Variants in SLC30A9 observed in about 807,000 individuals in gnomAD.
The protein encoded by SLC30A9 is proton-coupled zinc antiporter SLC30A9, mitochondrial.
In SLC30A9, 58 loss-of-function variants were observed where a neutral mutation model predicts 87.5. The observed-to-expected ratio is 0.66, with a 90% CI of 0.54 to 0.82. SLC30A9 has a LOEUF of 0.82. Ranked by LOEUF, SLC30A9 falls within the 40% of genes least tolerant of loss-of-function variation. The pLI, the probability that SLC30A9 is intolerant of heterozygous loss-of-function variation, is 0.00. For missense variants in SLC30A9, 557 were observed against 679.1 expected (o/e 0.82, Z 2.00); for synonymous variants, 234 against 233.0 (o/e 1.00, Z -0.04).
At chr4:42,084,259 T>C (rs12501774) in intron 17 of SLC30A9, among the ~76,000 whole-genome samples, 99,134 of 151,954 alleles carry the variant, frequency 0.65, 36,831 homozygotes, top group East Asian at 0.96. Context: ...TTAATACTTT[T>C]AGTATGTCTT....
intron 8 of SLC30A9, 45 bp from the exon 9 acceptor site, chr4:42,049,331 AT>A: frequency 7.9e-7 from 1 of 1,260,748 alleles, no homozygotes; most frequent in Admixed American, 1.9e-5. Flanking sequence ...TTTGGCTTAA[AT>A]TTTTGTCCAA....
intron 1 of SLC30A9, among the ~76,000 whole-genome samples, 194 bp downstream of exon 1, chr4:41,990,954 C>G (rs1322016511): frequency 6.6e-6 from 1 of 152,274 alleles, no homozygotes; most frequent in Non-Finnish European, 1.5e-5. Flanking sequence ...CTGATGCCTT[C>G]TGCAGCCCTA....
At chr4:41,995,324 A>G (rs1166292571) in intron 1 of SLC30A9, among the ~76,000 whole-genome samples, 3 of 152,198 alleles carry the variant, frequency 2.0e-5, no homozygotes, top group Non-Finnish European at 4.4e-5. Context: ...CAAGTTCATG[A>G]TAGAATTTAT....
chr4:42,078,945 G>A (rs1192667333), intron 17 of SLC30A9: 1 of 152,058 alleles, frequency 6.6e-6, no homozygotes, highest in African/African-American at 2.4e-5. Flanking sequence ...TTCTGCAGTT[G>A]ATATTGACCA....
At chr4:42,034,482 T>A (rs1184901905) in intron 6 of SLC30A9, among the ~76,000 whole-genome samples, 2 of 152,026 alleles carry the variant, frequency 1.3e-5, no homozygotes, top group East Asian at 3.9e-4. Context: ...TTTCTATTAA[T>A]TTGAATACTT....
intron 17 of SLC30A9, among the ~76,000 whole-genome samples, chr4:42,082,215 TCAAA>T (rs1300339324): frequency 4.4e-4 from 55 of 124,736 alleles, no homozygotes; most frequent in Non-Finnish European, 5.8e-4. Context: ...AGACTCCGTC[TCAAA>T]AAAAAAAAAA....
intron 5 of SLC30A9, 98 bp from the exon 6 acceptor site, chr4:42,023,204 C>A: frequency 1.1e-6 from 1 of 878,808 alleles, no homozygotes; most frequent in Non-Finnish European, 1.9e-6. Context: ...GCACCTTACA[C>A]TTTGTTGTAA....
chr4:42,073,226 C>G (rs1354438047), intron 15 of SLC30A9, among the ~76,000 whole-genome samples: 1 of 152,132 alleles, frequency 6.6e-6, no homozygotes, highest in Non-Finnish European at 1.5e-5. Context: ...AGCTCTTCCT[C>G]CCTTCATTTC....
chr4:42,078,540 C>A (rs766750637), intron 17 of SLC30A9: 42 of 335,584 alleles, frequency 1.3e-4, no homozygotes, highest in Non-Finnish European at 2.1e-4. Flanking sequence ...GAACCAGATT[C>A]TTTACTTTTA....
At chr4:42,053,637 C>T (rs558954827) in intron 9 of SLC30A9, among the ~76,000 whole-genome samples, 8 of 126,772 alleles carry the variant, frequency 6.3e-5, no homozygotes, top group Non-Finnish European at 1.1e-4. Context: ...TACAGTGAGC[C>T]AAGATCCGAG....
At chr4:42,023,089 A>G (rs1365613898) in intron 5 of SLC30A9, among the ~76,000 whole-genome samples, 159 bp downstream of exon 5, 2 of 152,232 alleles carry the variant, frequency 1.3e-5, no homozygotes, top group East Asian at 3.8e-4. Context: ...TGTACTCCTT[A>G]ACTAAATATA....
At chr4:42,047,591 G>A (rs1717216674) in intron 8 of SLC30A9, among the ~76,000 whole-genome samples, 1 of 152,218 alleles carries the variant, frequency 6.6e-6, no homozygotes, top group Admixed American at 6.5e-5. Flanking sequence ...AGATGCTGGA[G>A]AGGATGTGGA....
At chr4:42,038,628 C>G (rs996485617) in intron 7 of SLC30A9, among the ~76,000 whole-genome samples, 3 of 152,172 alleles carry the variant, frequency 2.0e-5, no homozygotes, top group African/African-American at 7.2e-5. Context: ...GCTCTGAAGG[C>G]AGGTCAATAC....
At chr4:42,046,655 C>T (rs1053071558) in intron 8 of SLC30A9, among the ~76,000 whole-genome samples, 25 of 152,078 alleles carry the variant, frequency 1.6e-4, no homozygotes, top group African/African-American at 2.2e-4. Flanking sequence ...GGCCGTACTG[C>T]GCAAAGTAAT....
intron 6 of SLC30A9, among the ~76,000 whole-genome samples, chr4:42,025,445 G>T (rs1234138759): frequency 6.6e-6 from 1 of 152,154 alleles, no homozygotes; most frequent in Non-Finnish European, 1.5e-5. Context: ...ACTGAAAATA[G>T]TATGTCTCTT....
intron 6 of SLC30A9, among the ~76,000 whole-genome samples, chr4:42,024,011 G>A (rs1436275944): frequency 2.0e-5 from 3 of 152,168 alleles, no homozygotes; most frequent in Non-Finnish European, 4.4e-5. Flanking sequence ...TCGGCACATG[G>A]GGATTATGGC....
rs199946256 is a variant in SLC30A9, at chr4:42,054,647, C to T, written c.840+5168C>T. Among the ~76,000 whole-genome samples the T allele has an allele frequency of 1.6e-4, 24 of 151,932 alleles. No homozygotes were observed. The East Asian group carries it at 3.4e-3, about 21-fold the overall frequency. ...CTGGGACTACAGGTGCCTGCCATCA[C>T]GCCCAGCTAATTTTTTGTATTTTTA... On this transcript the variant is annotated intron_variant, in intron 9 of 17. Transcript: ENST00000264451.
At chr4:42,024,577 A>G (rs1716108405) in intron 6 of SLC30A9, among the ~76,000 whole-genome samples, 1 of 152,204 alleles carries the variant, frequency 6.6e-6, no homozygotes, top group Admixed American at 6.5e-5. Flanking sequence ...TTGAGTGTTA[A>G]TAATACAATT....
intron 10 of SLC30A9, among the ~76,000 whole-genome samples, chr4:42,062,176 G>T (rs1300061463): frequency 6.7e-6 from 1 of 148,548 alleles, no homozygotes; most frequent in Non-Finnish European, 1.5e-5. Flanking sequence ...CCTGAGCAAC[G>T]AGCAAAACTC....
Sources: gnomAD v4.1 joint callset for allele counts (sites outside exome capture counted in the v4.1 genomes callset) on GRCh38, gnomAD v4.1.1 for gene constraint, MANE v1.5 for transcripts, NCBI Gene and HGNC (gene_info 2026-07-23, HGNC 2026-07-21) for gene names.